CSMD1: variants seen among roughly 807,000 people sequenced by gnomAD.
CSMD1 encodes CUB and Sushi multiple domains 1.
In CSMD1, 213 loss-of-function variants were observed where a neutral mutation model predicts 417.5. That is an observed-to-expected ratio of 0.51 (90% confidence interval 0.46 to 0.57). The LOEUF is 0.57. Ranked by LOEUF, CSMD1 falls within the 20% of genes least tolerant of loss-of-function variation. The pLI is 0.00. For missense variants in CSMD1, 6,923 were observed against 4,529.7 expected (o/e 1.53, Z -15.17); for synonymous variants, 2,862 against 1,736.8 (o/e 1.65, Z -16.11).
chr8:4,462,064 G>A (rs902079863), intron 2 of CSMD1, among the ~76,000 whole-genome samples: 11 of 151,516 alleles, frequency 7.3e-5, no homozygotes, highest in Admixed American at 6.6e-5. Context: ...TTATAGGGAT[G>A]AAGTCTCACT....
chr8:3,676,640 C>G (rs144221440), intron 7 of CSMD1, among the ~76,000 whole-genome samples: 1 of 152,078 alleles, frequency 6.6e-6, no homozygotes, highest in African/African-American at 2.4e-5. Flanking sequence ...TGTGGGACCA[C>G]GCACACACAT....
At chr8:3,794,899 T>A (rs962403446) in intron 5 of CSMD1, among the ~76,000 whole-genome samples, 5 of 152,060 alleles carry the variant, frequency 3.3e-5, no homozygotes, top group African/African-American at 9.6e-5. Flanking sequence ...CTGTCTGTAA[T>A]GGTTTCCTAC....
chr8:3,289,615 A>G (rs1014397232), intron 25 of CSMD1, among the ~76,000 whole-genome samples: 1 of 147,130 alleles, frequency 6.8e-6, no homozygotes, highest in Non-Finnish European at 1.5e-5. Context: ...TTGGCTGCAT[A>G]AATGTCTTCT....
chr8:3,766,317 G>T (rs751996792), intron 5 of CSMD1, among the ~76,000 whole-genome samples: 4 of 152,124 alleles, frequency 2.6e-5, no homozygotes, highest in Non-Finnish European at 5.9e-5. Context: ...AGATCACACT[G>T]GTATTAAAAA....
At chr8:3,187,549 C>T (rs564901404) in intron 36 of CSMD1, among the ~76,000 whole-genome samples, 8 of 152,194 alleles carry the variant, frequency 5.3e-5, no homozygotes, top group Non-Finnish European at 1.0e-4. Flanking sequence ...AGTTGAGAAC[C>T]GTTTCCTAAC....
intron 2 of CSMD1, among the ~76,000 whole-genome samples, chr8:4,634,419 T>A (rs1392124462): frequency 1.3e-5 from 2 of 152,236 alleles, no homozygotes; most frequent in Non-Finnish European, 2.9e-5. Context: ...AAGAAATTTA[T>A]TGATACTAAA....
rs117659463 is a variant in CSMD1, at chr8:4,231,655, G to A, written c.415+188298C>T. ...CTTTACTGCAGGCTCTGTCTGATAA[G>A]TAGGCTATTAACTACAAGCTGTGGG... On this transcript the variant is annotated intron_variant, in intron 3 of 69. Coordinates refer to ENST00000635120, the MANE Select transcript of CSMD1 (RefSeq NM_033225.6). 3.9e-5 allele frequency among the ~76,000 whole-genome samples: 6 copies of A among 152,304 alleles called. No homozygotes were observed. The East Asian group carries it at 1.2e-3, about 29-fold the overall frequency.
intron 7 of CSMD1, among the ~76,000 whole-genome samples, chr8:3,644,988 A>AAAAAAAAAAAAAAAAAC (rs1352315818): frequency 6.6e-6 from 1 of 151,498 alleles, no homozygotes; most frequent in African/African-American, 2.4e-5. Context: ...AAAAAAAAAA[A>AAAAAAAAAAAAAAAAAC]AAAGTCAATT....
intron 12 of CSMD1, among the ~76,000 whole-genome samples, chr8:3,449,993 G>A (rs1815582627): frequency 6.6e-6 from 1 of 152,196 alleles, no homozygotes; most frequent in African/African-American, 2.4e-5. Flanking sequence ...AGCCAGACGG[G>A]AGAGAGGGTC....
At chr8:4,519,247 A>G (rs1803296010) in intron 2 of CSMD1, among the ~76,000 whole-genome samples, 1 of 152,138 alleles carries the variant, frequency 6.6e-6, no homozygotes, top group Non-Finnish European at 1.5e-5. Flanking sequence ...TGCATACTCA[A>G]TGCTGGCCTG....
At chr8:3,798,531 G>A (rs76907759) in intron 5 of CSMD1, among the ~76,000 whole-genome samples, 1 of 151,984 alleles carries the variant, frequency 6.6e-6, no homozygotes, top group African/African-American at 2.4e-5. Flanking sequence ...AGACAGCAAA[G>A]ATCATATGAA....
chr8:3,204,762 C>G (rs557419144), intron 31 of CSMD1, among the ~76,000 whole-genome samples: 1 of 152,158 alleles, frequency 6.6e-6, no homozygotes, highest in Admixed American at 6.5e-5. Context: ...AAATAAAAAC[C>G]TTGACTATGT....
intron 3 of CSMD1, among the ~76,000 whole-genome samples, chr8:4,416,064 A>C (rs1279724364): frequency 6.6e-6 from 1 of 152,222 alleles, no homozygotes; most frequent in Non-Finnish European, 1.5e-5. Context: ...TCCTAAGAAA[A>C]GACATGAATA....
intron 5 of CSMD1, among the ~76,000 whole-genome samples, chr8:3,970,960 G>A (rs551982359): frequency 3.9e-5 from 6 of 152,074 alleles, no homozygotes; most frequent in African/African-American, 1.2e-4. Flanking sequence ...CATGTTGGCC[G>A]GGCTGGTCTC....
intron 6 of CSMD1, among the ~76,000 whole-genome samples, chr8:3,729,261 G>A (rs947129774): frequency 1.3e-5 from 2 of 152,146 alleles, no homozygotes; most frequent in Non-Finnish European, 2.9e-5. Context: ...CTGACGGCTT[G>A]CTACAGGAAG....
intron 10 of CSMD1, among the ~76,000 whole-genome samples, chr8:3,533,633 A>T (rs1433324314): frequency 6.6e-6 from 1 of 152,126 alleles, no homozygotes; most frequent in African/African-American, 2.4e-5. Context: ...CTGCATCTGG[A>T]ATCTCCCAGA....
intron 1 of CSMD1, among the ~76,000 whole-genome samples, chr8:4,938,191 G>A (rs1045605605): frequency 4.6e-5 from 7 of 152,144 alleles, no homozygotes; most frequent in African/African-American, 2.4e-5. Context: ...AGTCAGAACT[G>A]TTGACTTTGA....
chr8:3,882,519 A>G (rs1044828242), intron 5 of CSMD1, among the ~76,000 whole-genome samples: 1 of 152,220 alleles, frequency 6.6e-6, no homozygotes, highest in African/African-American at 2.4e-5. Context: ...GGTTGAGCAC[A>G]TGCATACACT....
intron 10 of CSMD1, among the ~76,000 whole-genome samples, chr8:3,550,013 A>C (rs532376518): frequency 6.6e-5 from 10 of 152,340 alleles, no homozygotes; most frequent in African/African-American, 2.4e-4. Context: ...TTTAATGACC[A>C]CCTTCTTACA....
Sources: allele counts gnomAD v4.1 joint callset (sites outside exome capture counted in the v4.1 genomes callset), GRCh38; gene constraint gnomAD v4.1.1; transcripts MANE v1.5; gene names NCBI Gene and HGNC (gene_info 2026-07-23, HGNC 2026-07-21).